ABCB4: variants seen among roughly 807,000 people sequenced by gnomAD.
The protein encoded by ABCB4 is ATP binding cassette subfamily B member 4.
ABCB4 carries 76 observed loss-of-function variants against 145.7 expected under a neutral mutation model. The observed-to-expected ratio is 0.52, with a 90% CI of 0.43 to 0.63. ABCB4 has a LOEUF of 0.63. Ranked by LOEUF, ABCB4 falls within the 30% of genes least tolerant of loss-of-function variation. The probability of loss-of-function intolerance (pLI) is 0.00; values close to 1 mark genes in which losing one functional copy is unlikely to be tolerated. For missense variants in ABCB4, 1,234 were observed against 1,553.1 expected (o/e 0.79, Z 3.45); for synonymous variants, 517 against 566.8 (o/e 0.91, Z 1.25).
Position 87,417,529 on chromosome 7 carries a change from AG to A in ABCB4, c.2479-15del, listed in dbSNP as rs1562957926. ...GGTTCCTGTGGCCTGGGAGAGAAAA[AG>A]CACAAAGCAACTGTAGTTTTAAGCT... On this transcript the variant is annotated splice_polypyrimidine_tract_variant and intron_variant, in intron 20 of 27. Coordinates refer to ENST00000649586, the MANE Select transcript of ABCB4 (RefSeq NM_000443.4). 2 of 1,612,320 alleles carry A rather than the reference AG, an allele frequency of 1.2e-6. No homozygotes were observed. The highest frequency in any genetic ancestry group is 8.5e-7 in the Non-Finnish European group (1 of 1,178,484).
chr7:87,448,864 G>A (rs899144545), intron 8 of ABCB4, among the ~76,000 whole-genome samples: 10 of 152,158 alleles, frequency 6.6e-5, no homozygotes, highest in South Asian at 4.1e-4. Context: ...AATTTCCAGA[G>A]AATTTTTATA....
At chr7:87,392,834 G>A in the ABCB4 span, 7 of 1,611,458 alleles carry the variant, frequency 4.3e-6, no homozygotes, top group South Asian at 1.1e-5. Context: ...GTAATATAGT[G>A]TAGTGTTTTA....
chr7:87,382,479 A>G, the ABCB4 span: 2 of 1,613,870 alleles, frequency 1.2e-6, no homozygotes, highest in Non-Finnish European at 8.5e-7. Context: ...CAAGAACAAG[A>G]TGCTTCACCC....
At chr7:87,409,208 A>G in intron 24 of ABCB4, 28 bp downstream of exon 24, 1 of 1,613,730 alleles carries the variant, frequency 6.2e-7, no homozygotes, top group Non-Finnish European at 8.5e-7. Flanking sequence ...AAAATTGATC[A>G]AGCATCATCA....
At chr7:87,376,005 T>G in the ABCB4 span, 2 of 1,491,326 alleles carry the variant, frequency 1.3e-6, no homozygotes, top group Non-Finnish European at 1.8e-6. Context: ...TCTGGAAGAC[T>G]CATATTTATT....
At chr7:87,369,672 A>G in the ABCB4 span, 1 of 269,538 alleles carries the variant, frequency 3.7e-6, no homozygotes, top group Admixed American at 4.9e-5. Flanking sequence ...AGACATATAT[A>G]AATATGTTCA....
intron 24 of ABCB4, 77 bp from the exon 25 acceptor site, chr7:87,408,311 T>C: frequency 7.0e-7 from 1 of 1,420,828 alleles, no homozygotes; most frequent in South Asian, 1.2e-5. Context: ...TCAAGGAAAC[T>C]TTACCAAAGA....
intron 4 of ABCB4, among the ~76,000 whole-genome samples, chr7:87,460,990 T>C (rs1477318377): frequency 2.0e-5 from 3 of 150,180 alleles, no homozygotes; most frequent in Non-Finnish European, 4.4e-5. Context: ...TGAGACGGAG[T>C]TTTGCTCTTG....
chr7:87,398,338 A>C (rs886601844), downstream of ABCB4: 2 of 722,060 alleles, frequency 2.8e-6, no homozygotes, highest in East Asian at 2.8e-5. Context: ...CTAATGAATG[A>C]GGTGTTTCTT....
chr7:87,455,751 G>A (rs936720229), intron 4 of ABCB4, among the ~76,000 whole-genome samples: 3 of 152,144 alleles, frequency 2.0e-5, no homozygotes, highest in African/African-American at 7.2e-5. Context: ...CATGGTCCTA[G>A]GAGAGAAATT....
the ABCB4 span, among the ~76,000 whole-genome samples, chr7:87,381,007 A>T: frequency 6.6e-6 from 1 of 152,180 alleles, no homozygotes; most frequent in Non-Finnish European, 1.5e-5. Flanking sequence ...CTGGTTGGTA[A>T]CAATAAATCC....
At chr7:87,462,676 A>C in intron 4 of ABCB4, 82 bp downstream of exon 4, 1 of 1,308,176 alleles carries the variant, frequency 7.6e-7, no homozygotes, top group Non-Finnish European at 1.1e-6. Context: ...TAAGATGGTA[A>C]TGAATAGCAA....
chr7:87,423,882 G>A (rs1809621177), intron 17 of ABCB4, 24 bp downstream of exon 17: 3 of 1,613,848 alleles, frequency 1.9e-6, no homozygotes. Flanking sequence ...AATTCAGGCT[G>A]TTATGTGGTG....
At chr7:87,381,550 C>G in the ABCB4 span, among the ~76,000 whole-genome samples, 1 of 152,146 alleles carries the variant, frequency 6.6e-6, no homozygotes, top group Non-Finnish European at 1.5e-5. Context: ...CCACCCTGTT[C>G]TTACAATTCC....
intron 14 of ABCB4, among the ~76,000 whole-genome samples, chr7:87,433,669 G>GTTTTTTTTTTTT (rs752621529): frequency 3.2e-5 from 4 of 124,050 alleles, no homozygotes; most frequent in South Asian, 2.5e-4. Flanking sequence ...ACAAAAAATT[G>GTTTTTTTTTTTT]TTGTTGTTTT....
chr7:87,460,445 C>T (rs1812375740), intron 4 of ABCB4, among the ~76,000 whole-genome samples: 1 of 152,052 alleles, frequency 6.6e-6, no homozygotes, highest in African/African-American at 2.4e-5. Flanking sequence ...TGCCCTCCCT[C>T]CCCTCTCTAG....
At chr7:87,383,202 G>T in the ABCB4 span, among the ~76,000 whole-genome samples, 2 of 152,000 alleles carry the variant, frequency 1.3e-5, no homozygotes, top group African/African-American at 4.8e-5. Flanking sequence ...TCGAACACTA[G>T]AAGTTATTCC....
At chr7:87,430,067 A>T (rs1810104476) in intron 15 of ABCB4, among the ~76,000 whole-genome samples, 1 of 152,198 alleles carries the variant, frequency 6.6e-6, no homozygotes, top group Admixed American at 6.5e-5. Context: ...TAGGTTTGGT[A>T]TTCCAAATGT....
intron 23 of ABCB4, among the ~76,000 whole-genome samples, chr7:87,411,435 C>A (rs1254316718): frequency 1.3e-5 from 2 of 152,150 alleles, no homozygotes; most frequent in Non-Finnish European, 2.9e-5. Flanking sequence ...GTTGGCAGGG[C>A]TGTCTCATCT....
Sources: gnomAD v4.1 joint callset for allele counts (sites outside exome capture counted in the v4.1 genomes callset) on GRCh38, gnomAD v4.1.1 for gene constraint, MANE v1.5 for transcripts, NCBI Gene and HGNC (gene_info 2026-07-23, HGNC 2026-07-21) for gene names.